PCGF3: variants seen among roughly 807,000 people sequenced by gnomAD.
PCGF3 encodes polycomb group ring finger 3, also known as polycomb group RING finger protein 3.
Under a neutral mutation model 33.1 loss-of-function variants are expected in PCGF3, and 7 were observed. The observed-to-expected ratio is 0.21, with a 90% CI of 0.12 to 0.40. PCGF3 has a LOEUF of 0.40. Ranked by LOEUF, PCGF3 falls within the 10% of genes least tolerant of loss-of-function variation. The probability of loss-of-function intolerance (pLI) is 1.00; values close to 1 mark genes in which losing one functional copy is unlikely to be tolerated. For synonymous variants in PCGF3, 153 were observed against 121.3 expected (o/e 1.26, Z -1.72); for missense variants, 211 against 313.3 (o/e 0.67, Z 2.46).
chr4:765,307 C>T (rs557265566), intron 10 of PCGF3, among the ~76,000 whole-genome samples: 2 of 152,246 alleles, frequency 1.3e-5, no homozygotes, highest in African/African-American at 4.8e-5. Flanking sequence ...GTGGTGGGCA[C>T]CTGTAGTCTC....
intron 6 of PCGF3, among the ~76,000 whole-genome samples, chr4:738,282 G>T (rs576627623): frequency 6.6e-6 from 1 of 152,222 alleles, no homozygotes; most frequent in Non-Finnish European, 1.5e-5. Flanking sequence ...CCTTTAATGC[G>T]TGACCCAGAG....
At chr4:727,752 C>T (rs773454187) in intron 1 of PCGF3, among the ~76,000 whole-genome samples, 9 of 151,190 alleles carry the variant, frequency 6.0e-5, no homozygotes, top group Non-Finnish European at 8.8e-5. Flanking sequence ...GATGACTAAC[C>T]GTTTTCTTTG....
At chr4:762,139 C>T (rs772424188) in intron 9 of PCGF3, 5 of 953,888 alleles carry the variant, frequency 5.2e-6, no homozygotes, top group Non-Finnish European at 6.2e-6. Context: ...AAGCCACATC[C>T]TAACCCCCAG....
intron 9 of PCGF3, chr4:761,910 T>C (rs73222809): frequency 6.5e-5 from 64 of 985,348 alleles, no homozygotes; most frequent in Non-Finnish European, 6.6e-5. Context: ...AGGGTCCAGC[T>C]TTGCATGGAG....
At chr4:741,856 G>T (rs1744106592) in intron 6 of PCGF3, among the ~76,000 whole-genome samples, 1 of 152,100 alleles carries the variant, frequency 6.6e-6, no homozygotes, top group African/African-American at 2.4e-5. Context: ...GTGTCCGTGG[G>T]GCTCTCTCCT....
intron 8 of PCGF3, among the ~76,000 whole-genome samples, chr4:754,668 A>T (rs2152609759): frequency 1.3e-5 from 2 of 152,208 alleles, no homozygotes; most frequent in Non-Finnish European, 2.9e-5. Flanking sequence ...TGTGGCGAGA[A>T]CTTGCTGTTC....
intron 8 of PCGF3, among the ~76,000 whole-genome samples, chr4:751,265 T>C (rs17164964): frequency 0.21 from 31,214 of 152,178 alleles, 3,722 homozygotes; most frequent in Middle Eastern, 0.27. Flanking sequence ...CGAGGGTTTG[T>C]TCCAGATTGT....
intron 5 of PCGF3, among the ~76,000 whole-genome samples, chr4:736,744 G>A (rs1187758073): frequency 1.3e-5 from 2 of 150,694 alleles, no homozygotes; most frequent in Non-Finnish European, 1.5e-5. Context: ...GGGACGCGGG[G>A]AACCCGGGGT....
At chr4:768,106 AT>A (rs1349453002) in exon 11 of PCGF3, 1 of 152,682 alleles carries the variant, frequency 6.5e-6, no homozygotes, top group Non-Finnish European at 1.5e-5. Flanking sequence ...TGACTTTGCA[AT>A]GGTGCTAAGC....
At chr4:763,413 C>G (rs138688361) in intron 9 of PCGF3, among the ~76,000 whole-genome samples, 1 of 152,224 alleles carries the variant, frequency 6.6e-6, no homozygotes, top group Non-Finnish European at 1.5e-5. Context: ...AACCGTGCCT[C>G]TGAGCCCCCA....
intron 1 of PCGF3, among the ~76,000 whole-genome samples, chr4:729,556 T>A (rs1743466981): frequency 6.6e-6 from 1 of 152,188 alleles, no homozygotes; most frequent in African/African-American, 2.4e-5. Flanking sequence ...TTGCAGAATA[T>A]TCCGGAAGCC....
At chr4:761,860 G>GC (rs1254135525) in intron 9 of PCGF3, 4 of 985,300 alleles carry the variant, frequency 4.1e-6, no homozygotes, top group Admixed American at 6.1e-5. Context: ...GTCCCTGTGA[G>GC]CCCCCAAGGC....
At chr4:725,746 G>T (rs1743306168) in intron 1 of PCGF3, among the ~76,000 whole-genome samples, 1 of 152,150 alleles carries the variant, frequency 6.6e-6, no homozygotes, top group African/African-American at 2.4e-5. Flanking sequence ...GCTGCAGAGG[G>T]CTGCTGTGGG....
Position 765,054 on chromosome 4 carries a change from G to A in PCGF3, c.671G>A (p.Trp224Ter). Reference sequence around the variant, plus strand: ...CTCAAGTTCGTGGTTGTCACTAGGTGGAGATTCAAGGTGAGACACGTGATT... The same window carrying A: ...CTCAAGTTCGTGGTTGTCACTAGGTAGAGATTCAAGGTGAGACACGTGATT... The change falls in exon 10 of 11, where the codon TGG becomes TAG. Residue 224 changes from tryptophan (W) to a stop codon, truncating the protein, a stop_gained. Transcript: ENST00000362003. LOFTEE classifies it high-confidence loss of function. The A allele has an allele frequency of 6.2e-7, 1 of 1,609,920 alleles. No individual in the cohort carries two copies.
Position 732,349 on chromosome 4 carries a change from C to CT in PCGF3, c.-10+1239_-10+1240insT, listed in dbSNP as rs1553844990. ...CTCCCCTTCCCTCCTCCCCTCCCTT[C>CT]CCTTCCCCTCCCCTCCCTTCTCCTT... On this transcript the variant is annotated intron_variant, in intron 3 of 10. Transcript: ENST00000362003. The CT allele has an allele frequency of 5.3e-3, 676 of 128,152 alleles. 6 individuals carry two copies. The highest frequency in any genetic ancestry group is 0.019 in the South Asian group (72 of 3,754). The allele number at this position is 128,152 out of a possible 1,614,324, so 7.9% of individuals were successfully genotyped here.
exon 11 of PCGF3, chr4:767,528 G>T (rs907512813): frequency 6.6e-6 from 1 of 152,164 alleles, no homozygotes; most frequent in Non-Finnish European, 1.5e-5. Context: ...GGCTTTCCAA[G>T]AAGCCAACCA....
intron 6 of PCGF3, among the ~76,000 whole-genome samples, chr4:743,189 C>T (rs1744168083): frequency 1.3e-5 from 2 of 152,200 alleles, no homozygotes; most frequent in Admixed American, 6.5e-5. Flanking sequence ...GTGGGGATGA[C>T]AGTCCCGCAC....
intron 6 of PCGF3, among the ~76,000 whole-genome samples, chr4:742,183 C>T (rs1429196908): frequency 6.7e-6 from 1 of 149,014 alleles, no homozygotes; most frequent in Non-Finnish European, 1.5e-5. Flanking sequence ...TCGGGGTCCC[C>T]TCCTCTCTCT....
At chr4:760,806 G>T (rs1328754990) in intron 8 of PCGF3, among the ~76,000 whole-genome samples, 1 of 152,224 alleles carries the variant, frequency 6.6e-6, no homozygotes, top group Non-Finnish European at 1.5e-5. Flanking sequence ...TTATCCTGCG[G>T]CCAAACTGCT....
Sources: gnomAD v4.1 joint callset for allele counts (sites outside exome capture counted in the v4.1 genomes callset) on GRCh38, gnomAD v4.1.1 for gene constraint, MANE v1.5 for transcripts, NCBI Gene and HGNC (gene_info 2026-07-23, HGNC 2026-07-21) for gene names.